The following PSPH variants were observed in gnomAD, a reference collection of about 807,000 sequenced individuals.
The protein encoded by PSPH is phosphoserine phosphatase, also known as L-3-phosphoserine phosphatase.
In PSPH, 16 loss-of-function variants were observed where a neutral mutation model predicts 23.4. The ratio of observed to expected loss-of-function variants is 0.68; its 90% CI spans 0.46 to 1.04. The LOEUF is 1.04. PSPH is among the 50% of genes least tolerant of loss of function. The pLI is 0.00. For synonymous variants in PSPH, 68 were observed against 99.7 expected (o/e 0.68, Z 1.89); for missense variants, 223 against 273.7 (o/e 0.81, Z 1.31).
intron 3 of PSPH, among the ~76,000 whole-genome samples, chr7:56,030,750 T>G (rs918089131): frequency 4.0e-5 from 6 of 151,642 alleles, no homozygotes; most frequent in African/African-American, 1.5e-4. Context: ...TATACAAAAA[T>G]TAGCCAGGCA....
intron 3 of PSPH, among the ~76,000 whole-genome samples, chr7:56,021,984 A>C (rs1789539597): frequency 6.7e-6 from 1 of 148,572 alleles, no homozygotes; most frequent in African/African-American, 2.5e-5. Flanking sequence ...AGAGGTGTGC[A>C]TAAGGCTCTG....
At chr7:56,022,505 C>T (rs905163373) in intron 3 of PSPH, among the ~76,000 whole-genome samples, 6 of 151,954 alleles carry the variant, frequency 3.9e-5, no homozygotes, top group African/African-American at 7.2e-5. Context: ...GATGGCAGAG[C>T]GAGGAGTGTG....
rs570125378 is a variant in PSPH at position 56,015,036 on chromosome 7, G to C, written c.557C>G (p.Ala186Gly). The change falls in exon 7 of 8, where the codon GCC becomes GGC. Residue 186 changes from alanine (A) to glycine (G), a missense_variant. Physicochemically the swap from Ala to Gly is moderately conservative, Grantham distance 60. Coordinates refer to ENST00000275605, the MANE Select transcript of PSPH (RefSeq NM_004577.4). The part of the protein sequence containing the change: ...MIGDGATDME[A>G]CPPADAFIGF... The stretch of plus-strand genomic sequence containing the variant: ...CTTAATACATACAGCAGGAGGACAG[G>C]CTTCCATATCTGTGGCACCATCTCC... 1.9e-6 allele frequency: 3 copies of C among 1,613,790 alleles called. No individual in the cohort carries two copies. Among genetic ancestry groups the C allele is most frequent in the Non-Finnish European group, 2.5e-6 (3 of 1,179,940 alleles).
At chr7:56,042,864 A>C (rs1414626176) in intron 1 of PSPH, among the ~76,000 whole-genome samples, 1 of 152,188 alleles carries the variant, frequency 6.6e-6, no homozygotes, top group African/African-American at 2.4e-5. Flanking sequence ...ATGAAGCTAA[A>C]AAGAGGACAA....
chr7:56,029,058 A>T (rs952511234), intron 3 of PSPH, among the ~76,000 whole-genome samples: 2 of 151,330 alleles, frequency 1.3e-5, no homozygotes, highest in African/African-American at 2.4e-5. Context: ...CAAGTGATTC[A>T]CCTGCCTCGG....
chr7:56,021,267 A>G, intron 3 of PSPH, 36 bp from the exon 4 acceptor site: 1 of 1,578,582 alleles, frequency 6.3e-7, no homozygotes, highest in Non-Finnish European at 8.7e-7. Context: ...TAAAGACATC[A>G]AATAAAATTA....
intron 1 of PSPH, among the ~76,000 whole-genome samples, chr7:56,046,681 G>A (rs1793287280): frequency 1.3e-5 from 2 of 151,970 alleles, no homozygotes; most frequent in South Asian, 4.1e-4. Flanking sequence ...CTACTCAAGA[G>A]GTTGAGGCAG....
chr7:56,011,831 T>C lies in PSPH; in HGVS notation c.609A>G (p.Gln203=), dbSNP rs752178752. ...ACCATTTGGCGTTATCCTTGACTTG[T>C]TGCCTGATCACATTTCCTCCAAATC... The part of the protein sequence containing the change: ...FIGFGGNVIR[Q]QVKDNAKWYI... Residue 203 remains glutamine, a synonymous_variant, in exon 8 of 8, where the codon CAA becomes CAG. Transcript: ENST00000275605. 6.2e-6 allele frequency: 10 copies of C among 1,613,088 alleles called. No homozygotes were observed. In the East Asian group the frequency reaches 1.3e-4, roughly 22 times the overall value.
intron 3 of PSPH, among the ~76,000 whole-genome samples, chr7:56,022,040 T>C (rs536990148): frequency 5.2e-4 from 79 of 151,714 alleles, no homozygotes; most frequent in Non-Finnish European, 1.0e-3. Flanking sequence ...AAACAGGGCT[T>C]CAGACTGGGC....
At chr7:56,041,923 CA>C (rs566233786) in intron 1 of PSPH, among the ~76,000 whole-genome samples, 28 of 136,750 alleles carry the variant, frequency 2.0e-4, no homozygotes, top group Non-Finnish European at 1.7e-4. Context: ...GACTCTGTCT[CA>C]AAAAAAAAAA....
chr7:56,041,910 C>G (rs144643708), intron 1 of PSPH, among the ~76,000 whole-genome samples: 6 of 149,754 alleles, frequency 4.0e-5, no homozygotes, highest in African/African-American at 1.5e-4. Context: ...GGCAACAGAG[C>G]GAGACTCTGT....
intron 7 of PSPH, among the ~76,000 whole-genome samples, 171 bp from the exon 8 acceptor site, chr7:56,012,040 T>C (rs542293569): frequency 7.4e-5 from 11 of 148,694 alleles, no homozygotes; most frequent in Non-Finnish European, 1.2e-4. Context: ...TGAGTAGCTG[T>C]GACTCCAGGT....
At chr7:56,038,398 G>C (rs549611085) in intron 1 of PSPH, among the ~76,000 whole-genome samples, 127 of 152,132 alleles carry the variant, frequency 8.3e-4, no homozygotes, top group Middle Eastern at 3.4e-3. Context: ...GGCGGAGCTT[G>C]CAGTGAGCGG....
intron 1 of PSPH, among the ~76,000 whole-genome samples, chr7:56,044,214 T>A (rs1208493763): frequency 6.6e-6 from 1 of 152,148 alleles, no homozygotes; most frequent in Non-Finnish European, 1.5e-5. Flanking sequence ...AGTGCTGGGA[T>A]TACAGGCATG....
At chr7:56,046,798 C>CAAA (rs532617669) in intron 1 of PSPH, among the ~76,000 whole-genome samples, 37 of 68,188 alleles carry the variant, frequency 5.4e-4, no homozygotes, top group Non-Finnish European at 9.7e-4. Flanking sequence ...GACTCCACCT[C>CAAA]AAAAAAAAAA....
At chr7:56,028,940 G>A (rs1790575814) in intron 3 of PSPH, among the ~76,000 whole-genome samples, 1 of 151,990 alleles carries the variant, frequency 6.6e-6, no homozygotes. Flanking sequence ...TGCCTCCTGA[G>A]TAGCTGGAAT....
At chr7:56,041,072 C>A (rs1792464142) in intron 1 of PSPH, among the ~76,000 whole-genome samples, 1 of 152,096 alleles carries the variant, frequency 6.6e-6, no homozygotes, top group South Asian at 2.1e-4. Flanking sequence ...GTGTCTCCAA[C>A]ATTCTGTTTT....
At chr7:56,020,989 AG>A in intron 4 of PSPH, 83 bp downstream of exon 4, 2 of 1,515,060 alleles carry the variant, frequency 1.3e-6, no homozygotes, top group African/African-American at 2.8e-5. Flanking sequence ...AATGTTCCAT[AG>A]CCAGGGTCTA....
chr7:56,013,959 C>G (rs1160253504), intron 7 of PSPH, among the ~76,000 whole-genome samples: 2 of 151,912 alleles, frequency 1.3e-5, no homozygotes, highest in African/African-American at 4.8e-5. Flanking sequence ...ATAACTCTGC[C>G]TCTACCAAAA....
Sources: allele counts gnomAD v4.1 joint callset (sites outside exome capture counted in the v4.1 genomes callset), GRCh38; gene constraint gnomAD v4.1.1; transcripts MANE v1.5; gene names NCBI Gene and HGNC (gene_info 2026-07-23, HGNC 2026-07-21).